Variants in VAV2 observed in about 807,000 individuals in gnomAD.
VAV2 encodes the protein guanine nucleotide exchange factor VAV2.
A neutral mutation model predicts 132.5 loss-of-function variants in VAV2; 67 were observed. That is an observed-to-expected ratio of 0.51 (90% CI 0.42 to 0.62). The LOEUF is 0.62. VAV2 is among the 20% of genes least tolerant of loss of function. VAV2 has a pLI of 0.00. For missense variants in VAV2, 938 were observed against 1,153.6 expected, an observed-to-expected ratio of 0.81 and a Z score of 2.71; for synonymous variants, 492 against 443.5, an observed-to-expected ratio of 1.11 and a Z score of -1.37.
intron 8 of VAV2, 99 bp downstream of exon 8, chr9:133,807,159 G>A: frequency 7.4e-7 from 1 of 1,354,412 alleles, no homozygotes; most frequent in Non-Finnish European, 1.0e-6. Context: ...AGCCACAGGG[G>A]TGCAGCTCTC....
rs779867318 is a variant in VAV2 at position 133,791,756 on chromosome 9, C to T, written c.1188+27G>A. On this transcript the variant is annotated intron_variant, in intron 13 of 29. Coordinates refer to ENST00000371850, the MANE Select transcript of VAV2 (RefSeq NM_001134398.2). Reference sequence around the variant, plus strand: ...ATAGGTACGTCCTCATCGACCTTCCCTAGCCTGAAGAGTCAGTCTCACTCA... The same window carrying T: ...ATAGGTACGTCCTCATCGACCTTCCTTAGCCTGAAGAGTCAGTCTCACTCA... The T allele has an allele frequency of 9.4e-6, 15 of 1,603,246 alleles. No individual in the cohort carries two copies. In the South Asian group the frequency reaches 1.2e-4, roughly 13 times the overall value.
chr9:133,809,392 G>A (rs567512324), intron 6 of VAV2, among the ~76,000 whole-genome samples: 2 of 152,310 alleles, frequency 1.3e-5, no homozygotes, highest in South Asian at 2.1e-4. Context: ...AAGGCTTGGA[G>A]GCAGAGCCTT....
intron 4 of VAV2, among the ~76,000 whole-genome samples, chr9:133,818,230 G>A (rs1291596289): frequency 1.3e-5 from 2 of 152,064 alleles, no homozygotes; most frequent in Non-Finnish European, 2.9e-5. Flanking sequence ...GCCAGGCATG[G>A]TGGCGGGCAC....
rs925784928 is a variant in VAV2 at position 133,818,124 on chromosome 9, G to A, written c.450-5908C>T. On this transcript the variant is annotated intron_variant, in intron 4 of 29. Coordinates refer to ENST00000371850, the MANE Select transcript of VAV2 (RefSeq NM_001134398.2). ...TCACGCCTGTAATCTCAGCACTTTGGGGGGCCGAGGTGGGCAGATCACGAG... is the reference window on the plus strand; with the variant it reads ...TCACGCCTGTAATCTCAGCACTTTGAGGGGCCGAGGTGGGCAGATCACGAG... Among the ~76,000 whole-genome samples, 3 of 152,264 alleles carry A rather than the reference G, an allele frequency of 2.0e-5. No homozygotes were observed. In the East Asian group the frequency reaches 5.8e-4, roughly 29 times the overall value.
chr9:133,807,736 T>TG (rs1835206951), intron 7 of VAV2, among the ~76,000 whole-genome samples: 2 of 152,226 alleles, frequency 1.3e-5, no homozygotes, highest in Admixed American at 1.3e-4. Flanking sequence ...ACTGAGCTTG[T>TG]GCTCCTGAGC....
chr9:133,966,644 T>C (rs1842149481), intron 1 of VAV2, among the ~76,000 whole-genome samples: 1 of 151,850 alleles, frequency 6.6e-6, no homozygotes, highest in African/African-American at 2.4e-5. Flanking sequence ...GAGGCTGCAG[T>C]GAGCTGTGAT....
At chr9:133,931,794 C>T (rs1466796796) in intron 2 of VAV2, among the ~76,000 whole-genome samples, 1 of 152,182 alleles carries the variant, frequency 6.6e-6, no homozygotes, top group Non-Finnish European at 1.5e-5. Context: ...CAGGGCCCCG[C>T]GAAGGAGCTG....
intron 2 of VAV2, among the ~76,000 whole-genome samples, chr9:133,893,782 A>G (rs1839081214): frequency 6.6e-6 from 1 of 152,216 alleles, no homozygotes; most frequent in Admixed American, 6.5e-5. Flanking sequence ...CCAGCATCGC[A>G]GCAAGTGGCA....
At chr9:133,773,498 C>G (rs760029357) in intron 25 of VAV2, among the ~76,000 whole-genome samples, 4 of 152,192 alleles carry the variant, frequency 2.6e-5, no homozygotes, top group Non-Finnish European at 5.9e-5. Flanking sequence ...ATTCTTTCTT[C>G]AATCGTAAAT....
intron 3 of VAV2, among the ~76,000 whole-genome samples, chr9:133,838,118 C>T (rs1836544009): frequency 6.6e-6 from 1 of 152,016 alleles, no homozygotes; most frequent in Admixed American, 6.6e-5. Flanking sequence ...GGCCCCAGTC[C>T]CCTTTCACTC....
At position 133,969,246 on chromosome 9, in the gene VAV2, T is replaced by C. The variant is rs1259451457; in HGVS notation, c.204+22829A>G. On this transcript the variant is annotated intron_variant, in intron 1 of 29. Coordinates refer to ENST00000371850, the MANE Select transcript of VAV2 (RefSeq NM_001134398.2). The surrounding 1 kb of genome is among the most constrained non-coding windows in gnomAD (Gnocchi z 5.1). ...CTGCACCTGCTTCCCTCCTGCCGGA[T>C]GAACTGCGGCTTCTCACGGCTGCGC... is the stretch of plus-strand genomic sequence containing the variant. 6.6e-6 allele frequency among the ~76,000 whole-genome samples: 1 copy of C among 151,948 alleles called. No homozygotes were observed. The highest frequency in any genetic ancestry group is 1.5e-5 in the Non-Finnish European group (1 of 68,016).
At chr9:133,805,175 C>A (rs1251368089) in intron 9 of VAV2, among the ~76,000 whole-genome samples, 1 of 152,094 alleles carries the variant, frequency 6.6e-6, no homozygotes, top group Non-Finnish European at 1.5e-5. Flanking sequence ...GAGAGATGGA[C>A]CCGGGCGCCC....
intron 3 of VAV2, among the ~76,000 whole-genome samples, chr9:133,855,481 G>A (rs181954688): frequency 8.5e-5 from 13 of 152,318 alleles, no homozygotes; most frequent in East Asian, 3.9e-4. Context: ...GTGCTCTCCC[G>A]GCCACTGCAG....
chr9:133,811,540 C>A (rs1835358029), intron 5 of VAV2, among the ~76,000 whole-genome samples: 1 of 152,218 alleles, frequency 6.6e-6, no homozygotes, highest in African/African-American at 2.4e-5. Flanking sequence ...CCGCTGGATC[C>A]CCACCTTCCA....
chr9:133,910,582 C>T (rs751214328), intron 2 of VAV2, among the ~76,000 whole-genome samples: 5 of 150,680 alleles, frequency 3.3e-5, no homozygotes, highest in Non-Finnish European at 7.4e-5. Flanking sequence ...AGGCTGAGGC[C>T]GGCGGATCAC....
chr9:133,987,489 G>A (rs1842892506), intron 1 of VAV2, among the ~76,000 whole-genome samples: 1 of 152,238 alleles, frequency 6.6e-6, no homozygotes, highest in Admixed American at 6.5e-5. Flanking sequence ...AAAAAGGCCC[G>A]GAGGGGGGGA....
intron 1 of VAV2, among the ~76,000 whole-genome samples, chr9:133,944,848 A>G (rs985719339): frequency 4.6e-5 from 7 of 152,066 alleles, no homozygotes; most frequent in Non-Finnish European, 1.0e-4. Context: ...ATGGGAGGTG[A>G]CCCTCGCTGC....
intron 2 of VAV2, among the ~76,000 whole-genome samples, chr9:133,917,639 C>A (rs1440131323): frequency 6.6e-6 from 1 of 152,134 alleles, no homozygotes; most frequent in East Asian, 1.9e-4. Context: ...TCCTAGCCTG[C>A]CTGAGAGAGT....
intron 20 of VAV2, chr9:133,780,186 C>T (rs889035824): frequency 2.6e-5 from 14 of 548,878 alleles, no homozygotes; most frequent in Non-Finnish European, 4.1e-5. Flanking sequence ...ACCACGGGCC[C>T]CCACCTCCTC....
Sources: gnomAD v4.1 joint callset for allele counts (sites outside exome capture counted in the v4.1 genomes callset) on GRCh38, gnomAD v4.1.1 for gene constraint, Gnocchi (gnomAD v3.1) non-coding constraint, MANE v1.5 for transcripts, NCBI Gene and HGNC (gene_info 2026-07-23, HGNC 2026-07-21) for gene names.